IL1RAPL1: variants seen among roughly 807,000 people sequenced by gnomAD.
IL1RAPL1 encodes interleukin 1 receptor accessory protein like 1.
IL1RAPL1 carries 3 observed loss-of-function variants against 48.4 expected under a neutral mutation model. The observed-to-expected ratio is 0.06, with a 90% confidence interval of 0.03 to 0.16. The LOEUF (loss-of-function observed/expected upper bound fraction) is 0.16. IL1RAPL1 is among the 10% of genes least tolerant of loss of function. The pLI, the probability that IL1RAPL1 is intolerant of heterozygous loss-of-function variation, is 1.00. For missense variants in IL1RAPL1, 349 were observed against 530.6 expected (o/e 0.66, Z 3.36); for synonymous variants, 185 against 187.7 (o/e 0.99, Z 0.12).
intron 2 of IL1RAPL1, among the ~76,000 whole-genome samples, chrX:28,845,846 C>CT (rs1336141749): frequency 9.0e-6 from 1 of 111,094 alleles, no homozygotes; most frequent in African/African-American, 3.3e-5. Context: ...TTTACACCCT[C>CT]TACCCCTACA....
chrX:29,058,630 C>G (rs1345007528), intron 2 of IL1RAPL1, among the ~76,000 whole-genome samples: 1 of 111,990 alleles, frequency 8.9e-6, no homozygotes. Context: ...TACAGTCTGT[C>G]TCATTCATTA....
At chrX:29,184,790 C>T (rs774282858) in intron 2 of IL1RAPL1, among the ~76,000 whole-genome samples, 1 of 112,161 alleles carries the variant, frequency 8.9e-6, no homozygotes, top group African/African-American at 3.2e-5. Flanking sequence ...CATGAGCCAC[C>T]GCACCCACCC....
At chrX:29,494,964 G>A (rs1935198284) in intron 5 of IL1RAPL1, among the ~76,000 whole-genome samples, 1 of 111,766 alleles carries the variant, frequency 8.9e-6, no homozygotes, top group Admixed American at 9.5e-5. Context: ...TGAAAATTCA[G>A]AAGAGCACAA....
intron 5 of IL1RAPL1, among the ~76,000 whole-genome samples, chrX:29,617,332 T>A: frequency 8.9e-6 from 1 of 112,081 alleles, no homozygotes; most frequent in Non-Finnish European, 1.9e-5. Context: ...GGCATTATGT[T>A]GTTGCTAGAG....
intron 6 of IL1RAPL1, among the ~76,000 whole-genome samples, chrX:29,853,338 A>G (rs1375091202): frequency 9.1e-6 from 1 of 110,238 alleles, no homozygotes; most frequent in African/African-American, 3.3e-5. Context: ...AAAAAAAGAA[A>G]AAAAGAAAAA....
At chrX:28,814,342 T>TGC (rs1491483523) in intron 2 of IL1RAPL1, among the ~76,000 whole-genome samples, 5 of 20,094 alleles carry the variant, frequency 2.5e-4, no homozygotes, top group African/African-American at 1.8e-3. Context: ...TTTTCAGGTT[T>TGC]GTGTGTGTGT....
intron 2 of IL1RAPL1, among the ~76,000 whole-genome samples, chrX:29,183,075 A>G (rs764817764): frequency 1.8e-5 from 2 of 111,815 alleles, no homozygotes; most frequent in Admixed American, 9.5e-5. Flanking sequence ...GAAATATAAT[A>G]AATTTTTGTA....
At chrX:29,540,964 C>G (rs894931294) in intron 5 of IL1RAPL1, among the ~76,000 whole-genome samples, 2 of 111,869 alleles carry the variant, frequency 1.8e-5, no homozygotes, top group Non-Finnish European at 3.8e-5. Context: ...TTCTGCACAG[C>G]AGAAGAAACT....
intron 2 of IL1RAPL1, among the ~76,000 whole-genome samples, chrX:28,850,932 C>T (rs1442754166): frequency 9.5e-6 from 1 of 105,561 alleles, no homozygotes; most frequent in East Asian, 3.0e-4. Flanking sequence ...TGAACTCCGC[C>T]AACCAGTATG....
At chrX:28,634,472 T>C (rs1164055085) in intron 1 of IL1RAPL1, among the ~76,000 whole-genome samples, 1 of 109,570 alleles carries the variant, frequency 9.1e-6, no homozygotes, top group Non-Finnish European at 1.9e-5. Flanking sequence ...TATATATGTA[T>C]ATATGTGTGT....
intron 3 of IL1RAPL1, among the ~76,000 whole-genome samples, chrX:29,316,346 C>T (rs1011053600): frequency 1.8e-5 from 2 of 111,807 alleles, no homozygotes; most frequent in African/African-American, 6.5e-5. Context: ...ACCTCGAGGT[C>T]ATCCAAACTT....
chrX:29,752,294 G>A (rs1167067403), intron 6 of IL1RAPL1, among the ~76,000 whole-genome samples: 2 of 106,723 alleles, frequency 1.9e-5, no homozygotes, highest in Admixed American at 2.0e-4. Context: ...TCAGGAGATC[G>A]AGAACATCCT....
chrX:29,638,034 T>C (rs1283902780), intron 5 of IL1RAPL1, among the ~76,000 whole-genome samples: 3 of 112,106 alleles, frequency 2.7e-5, no homozygotes, highest in African/African-American at 9.7e-5. Context: ...TACATGGTCC[T>C]AGCATATTGG....
At chrX:29,353,685 G>C (rs190303702) in intron 3 of IL1RAPL1, among the ~76,000 whole-genome samples, 1 of 111,025 alleles carries the variant, frequency 9.0e-6, no homozygotes, top group African/African-American at 3.3e-5. Flanking sequence ...TTTTACATCA[G>C]ACTTTTCCCC....
intron 6 of IL1RAPL1, among the ~76,000 whole-genome samples, chrX:29,802,951 ATATG>A (rs1288977409): frequency 4.3e-5 from 4 of 92,757 alleles, no homozygotes; most frequent in African/African-American, 1.6e-4. Context: ...ATGTATGCAT[ATATG>A]TATACATGTG....
chrX:29,576,095 A>G (rs1225159901), intron 5 of IL1RAPL1, among the ~76,000 whole-genome samples: 2 of 112,247 alleles, frequency 1.8e-5, no homozygotes, highest in Non-Finnish European at 3.8e-5. Flanking sequence ...ATCATCATTT[A>G]TAAAATAGAA....
At chrX:28,967,331 T>G (rs1231996290) in intron 2 of IL1RAPL1, among the ~76,000 whole-genome samples, 2 of 111,245 alleles carry the variant, frequency 1.8e-5, no homozygotes, top group Non-Finnish European at 3.8e-5. Flanking sequence ...TATTACTCTT[T>G]CAGCCTCATA....
At chrX:29,434,281 C>T (rs1190688504) in intron 5 of IL1RAPL1, among the ~76,000 whole-genome samples, 1 of 109,824 alleles carries the variant, frequency 9.1e-6, no homozygotes, top group Non-Finnish European at 1.9e-5. Context: ...TGATTTCTTT[C>T]ATCTTTATCT....
At chrX:29,625,692 A>G (rs1924598459) in intron 5 of IL1RAPL1, among the ~76,000 whole-genome samples, 1 of 111,976 alleles carries the variant, frequency 8.9e-6, no homozygotes, top group Non-Finnish European at 1.9e-5. Flanking sequence ...AGTCACTTCT[A>G]GTTTCTATAT....
Sources: allele counts gnomAD v4.1 joint callset (sites outside exome capture counted in the v4.1 genomes callset), GRCh38; gene constraint gnomAD v4.1.1; transcripts MANE v1.5; gene names NCBI Gene and HGNC (gene_info 2026-07-23, HGNC 2026-07-21).